Variants in CACTIN observed in about 807,000 individuals in gnomAD.
The protein encoded by CACTIN is cactin, spliceosome C complex subunit.
In CACTIN, 20 loss-of-function variants were observed where a neutral mutation model predicts 84.9. That is an observed-to-expected ratio of 0.24 (90% CI 0.17 to 0.34). The LOEUF is 0.34. Among genes scored for constraint, CACTIN ranks in the 10% least tolerant of loss-of-function variants. The probability of loss-of-function intolerance (pLI) is 1.00; values close to 1 mark genes in which losing one functional copy is unlikely to be tolerated. For synonymous variants in CACTIN, 549 were observed against 467.9 expected, an observed-to-expected ratio of 1.17 and a Z score of -2.24; for missense variants, 897 against 1,117.2, an observed-to-expected ratio of 0.80 and a Z score of 2.81.
Position 3,611,849 on chromosome 19 carries a change from G to A in CACTIN, c.*74C>T, listed in dbSNP as rs771699072. 3.9e-5 allele frequency: 61 copies of A among 1,563,268 alleles called. No individual in the cohort carries two copies. In the African/African-American group the frequency reaches 6.1e-4, roughly 16 times the overall value. Reference sequence around the variant, plus strand: ...GCCCTGCAGCCCAGACAGCGGCCCCGGAGTGACCACCAGCTTCACCGAAGC... The same window carrying A: ...GCCCTGCAGCCCAGACAGCGGCCCCAGAGTGACCACCAGCTTCACCGAAGC... On this transcript the variant is annotated 3_prime_UTR_variant, in exon 10 of 10. Transcript: ENST00000429344.
chr19:3,625,263 C>CA (rs929225736), intron 1 of CACTIN, among the ~76,000 whole-genome samples: 4 of 152,070 alleles, frequency 2.6e-5, no homozygotes, highest in Non-Finnish European at 4.4e-5. Flanking sequence ...AAGCTCATGT[C>CA]AAAAAAATCT....
At chr19:3,618,179 G>GGC (rs2033145751) in intron 6 of CACTIN, among the ~76,000 whole-genome samples, 1 of 31,184 alleles carries the variant, frequency 3.2e-5, no homozygotes, top group African/African-American at 8.6e-5. Flanking sequence ...TTTTAGACCG[G>GGC]GGGGGGGGGG....
chr19:3,619,686 T>C (rs2033182536), intron 4 of CACTIN, among the ~76,000 whole-genome samples: 1 of 151,820 alleles, frequency 6.6e-6, no homozygotes, highest in Admixed American at 6.6e-5. Context: ...TGCAGGGGGG[T>C]ACGCGTTGCA....
Position 3,623,872 on chromosome 19 carries a change from T to C in CACTIN, c.458A>G (p.Gln153Arg). 1 of 1,609,300 alleles carries C rather than the reference T, an allele frequency of 6.2e-7. No homozygotes were observed. The highest frequency in any genetic ancestry group is 8.5e-7 in the Non-Finnish European group (1 of 1,179,840). ...CTCGAAGGCCTTCATCAGCTCCTCCTGCTGCTTCCGCTCCTCCCGCAGCCG... is the reference window on the plus strand; with the variant it reads ...CTCGAAGGCCTTCATCAGCTCCTCCCGCTGCTTCCGCTCCTCCCGCAGCCG... ...RLRLREERKQQEELMKAFETP... is the reference protein window; with the variant it reads ...RLRLREERKQREELMKAFETP... The change falls in exon 2 of 10, where the codon CAG (glutamine) becomes CGG (arginine). Residue 153 changes from glutamine (Q) to arginine (R), a missense_variant. By Grantham distance (43) the Gln-to-Arg change is conservative. Transcript: ENST00000429344.
chr19:3,611,763 T>A lies in CACTIN; in HGVS notation c.*160A>T, dbSNP rs983351245. The A allele has an allele frequency of 5.9e-5, 54 of 921,946 alleles. No homozygotes were observed. In the Admixed American group the frequency reaches 1.1e-3, roughly 18 times the overall value. The allele number at this position is 921,946 out of a possible 1,614,324, so 57.1% of individuals were successfully genotyped here. Reference sequence around the variant, plus strand: ...GCTCAATGGTGACCCCCCTTTTATATAGGAGGAAACTGAGGCCTGGCGAAA... The same window carrying A: ...GCTCAATGGTGACCCCCCTTTTATAAAGGAGGAAACTGAGGCCTGGCGAAA... On this transcript the variant is annotated 3_prime_UTR_variant, in exon 10 of 10. Transcript: ENST00000429344.
At chr19:3,621,683 G>A (rs2033227577) in intron 2 of CACTIN, among the ~76,000 whole-genome samples, 1 of 152,224 alleles carries the variant, frequency 6.6e-6, no homozygotes, top group South Asian at 2.1e-4. Flanking sequence ...GCGATGAAGT[G>A]CCAGGCAGCA....
chr19:3,618,097 A>G (rs1435875585), intron 6 of CACTIN, among the ~76,000 whole-genome samples: 2 of 148,430 alleles, frequency 1.3e-5, no homozygotes, highest in East Asian at 2.0e-4. Context: ...GGCCCATGAG[A>G]GCCAGGCACT....
intron 2 of CACTIN, among the ~76,000 whole-genome samples, chr19:3,623,060 A>G (rs530979920): frequency 6.6e-6 from 1 of 152,120 alleles, no homozygotes; most frequent in South Asian, 2.1e-4. Flanking sequence ...ACATAGTGAG[A>G]CTCCATCTTT....
At chr19:3,620,659 G>A (rs1264883491) in intron 3 of CACTIN, 48 bp downstream of exon 3, 3 of 1,492,112 alleles carry the variant, frequency 2.0e-6, no homozygotes, top group Non-Finnish European at 2.7e-6. Flanking sequence ...CGGGCCTCCA[G>A]GCCCTGGAAA....
In CACTIN at chr19:3,611,778, G is replaced by T. The variant is rs1015874297; in HGVS notation, c.*145C>A. ...CCCTTTTATATAGGAGGAAACTGAG[G>T]CCTGGCGAAAGAAAGATGCGGCCTG... On this transcript the variant is annotated 3_prime_UTR_variant, in exon 10 of 10. Transcript: ENST00000429344. 2.9e-6 allele frequency: 3 copies of T among 1,043,146 alleles called. No homozygotes were observed. Among genetic ancestry groups the T allele is most frequent in the Non-Finnish European group, 2.9e-6 (2 of 697,640 alleles). 64.6% of individuals were successfully genotyped at this position (1,043,146 alleles called of 1,614,324 possible).
chr19:3,613,120 A>ACGTGCGCGTCCAGTGGCAGCT lies in CACTIN; in HGVS notation c.1703_1723dup (p.Glu568_His574dup). The ACGTGCGCGTCCAGTGGCAGCT allele has an allele frequency of 6.2e-7, 1 of 1,605,516 alleles. No homozygotes were observed. The highest frequency in any genetic ancestry group is 8.5e-7 in the Non-Finnish European group (1 of 1,178,480). On this transcript the variant is annotated inframe_insertion, in exon 9 of 10. Coordinates refer to ENST00000429344, the MANE Select transcript of CACTIN (RefSeq NM_001080543.2). ...CTGCAGGTCCTCATCCGGTTCCAGC[A>ACGTGCGCGTCCAGTGGCAGCT]CGTGCGCGTCCAGTGGCAGCTCGTG...
At position 3,612,497 on chromosome 19, in the gene CACTIN, G is replaced by A. The variant is rs533128306; in HGVS notation, c.1787-84C>T. 5.5e-6 allele frequency: 8 copies of A among 1,462,716 alleles called. No homozygotes were observed. The South Asian group carries it at 9.8e-5, about 18-fold the overall frequency. The allele number at this position is 1,462,716 out of a possible 1,614,324, so 90.6% of individuals were successfully genotyped here. A position where few individuals can be genotyped will look rare whatever the true frequency, so the allele number is the denominator to read the frequency against. On this transcript the variant is annotated intron_variant, in intron 9 of 9. Coordinates refer to ENST00000429344, the MANE Select transcript of CACTIN (RefSeq NM_001080543.2). ...CCTAGCCTCTCTGGCAGGGGCGGCC[G>A]CTGGTGCCTCCCGCAAAAGGAAAAC...
intron 3 of CACTIN, 46 bp from the exon 4 acceptor site, chr19:3,620,318 AGGGCTGCG>A: frequency 2.0e-6 from 3 of 1,534,690 alleles, no homozygotes; most frequent in Non-Finnish European, 2.6e-6. Flanking sequence ...TGCGGTCTGC[AGGGCTGCG>A]GGGGGAGGGG....
intron 1 of CACTIN, among the ~76,000 whole-genome samples, chr19:3,625,996 G>A (rs1481771239): frequency 1.3e-5 from 2 of 152,202 alleles, no homozygotes; most frequent in African/African-American, 2.4e-5. Context: ...CTGACACCGA[G>A]TCTTTTTCCC....
chr19:3,613,671 C>T (rs2033034571), intron 7 of CACTIN, 85 bp from the exon 8 acceptor site: 2 of 1,508,156 alleles, frequency 1.3e-6, no homozygotes, highest in South Asian at 2.5e-5. Flanking sequence ...CCCCTTATTG[C>T]TGCAAGGACC....
chr19:3,623,813 T>C lies in CACTIN; in HGVS notation c.517A>G (p.Lys173Glu). ...TTCTTGCGCTCCTTGGCCTCCTTCT[T>C]GGCCAGCCGCCGTGCGCGCTTCTCC... ...PEEKRARRLA[K>E]KEAKERKKRE... Residue 173 changes from lysine to glutamate, a missense_variant, in exon 2 of 10, where the codon AAG becomes GAG. Around this residue, in one of 8 missense-constraint regions of CACTIN, gnomAD observed 304 missense variants for 444.3 expected, o/e 0.68. Transcript: ENST00000429344. The C allele has an allele frequency of 1.9e-6, 3 of 1,613,640 alleles. No homozygotes were observed. The highest frequency in any genetic ancestry group is 2.7e-5 in the African/African-American group (2 of 75,074).
chr19:3,624,593 A>C (rs1210102087), intron 1 of CACTIN, among the ~76,000 whole-genome samples: 9 of 152,002 alleles, frequency 5.9e-5, no homozygotes, highest in Admixed American at 5.9e-4. Context: ...AAGAACAACA[A>C]GGAGGCTGTA....
At chr19:3,614,641 C>T (rs2033064475) in intron 6 of CACTIN, 52 bp from the exon 7 acceptor site, 3 of 1,477,738 alleles carry the variant, frequency 2.0e-6, no homozygotes, top group Non-Finnish European at 1.8e-6. Context: ...CTACGTGCTC[C>T]TCCACCCCAT....
chr19:3,613,468 G>T lies in CACTIN; in HGVS notation c.1474C>A (p.Arg492Ser). The T allele has an allele frequency of 6.3e-7, 1 of 1,578,064 alleles. No individual in the cohort carries two copies. Among genetic ancestry groups the T allele is most frequent in the Non-Finnish European group, 8.6e-7 (1 of 1,166,824 alleles). ...ILKQEPQSPS[R>S]SLEPEDAAPT... ...CGGGGTGCCGGCCGGGCCTACCTGC[G>T]GCTGGGGGACTGGGGCTCCTGCTTG... The change falls in exon 8 of 10, where the codon CGC becomes AGC. Residue 492 changes from arginine to serine, a missense_variant. Arg to Ser is a moderately radical substitution (Grantham distance 110). Around this residue, in one of 8 missense-constraint regions of CACTIN, gnomAD observed 243 missense variants for 239.9 expected, o/e 1.01. Transcript: ENST00000429344.
Sources: allele counts gnomAD v4.1 joint callset (sites outside exome capture counted in the v4.1 genomes callset), GRCh38; gene constraint gnomAD v4.1.1; regional missense constraint gnomAD v4.1.1; transcripts MANE v1.5; gene names NCBI Gene and HGNC (gene_info 2026-07-23, HGNC 2026-07-21).